THRB: variants seen among roughly 807,000 people sequenced by gnomAD.
THRB encodes thyroid hormone receptor beta.
THRB carries 12 observed loss-of-function variants against 47.8 expected under a neutral mutation model. That is an observed-to-expected ratio of 0.25 (90% CI 0.16 to 0.41). The LOEUF is 0.41. THRB is among the 10% of genes least tolerant of loss of function. The pLI, the probability that THRB is intolerant of heterozygous loss-of-function variation, is 1.00. For synonymous variants in THRB, 218 were observed against 212.2 expected (o/e 1.03, Z -0.24); for missense variants, 348 against 589.2 (o/e 0.59, Z 4.24).
chr3:24,283,318 A>G (rs1401485344), intron 3 of THRB, among the ~76,000 whole-genome samples: 3 of 152,186 alleles, frequency 2.0e-5, no homozygotes, highest in Admixed American at 6.5e-5. Flanking sequence ...TATAAACAGA[A>G]CCAAAGACAA....
chr3:24,161,043 AG>A (rs1190046932), intron 5 of THRB, among the ~76,000 whole-genome samples: 5 of 152,266 alleles, frequency 3.3e-5, no homozygotes, highest in Non-Finnish European at 5.9e-5. Context: ...AGAAAAGGAA[AG>A]AGCTCACGCT....
chr3:24,135,647 C>G (rs568708822), intron 8 of THRB, among the ~76,000 whole-genome samples: 1 of 151,890 alleles, frequency 6.6e-6, no homozygotes, highest in Non-Finnish European at 1.5e-5. Flanking sequence ...TACCTGTGTT[C>G]CTCCTTTGGT....
intron 3 of THRB, among the ~76,000 whole-genome samples, chr3:24,265,145 T>C (rs77880649): frequency 9.9e-4 from 151 of 152,084 alleles, no homozygotes; most frequent in Non-Finnish European, 1.9e-3. Context: ...AGGGACCAAA[T>C]TGGACATGGT....
intron 1 of THRB, among the ~76,000 whole-genome samples, chr3:24,379,193 C>T (rs997591298): frequency 1.3e-5 from 2 of 152,076 alleles, no homozygotes; most frequent in Non-Finnish European, 2.9e-5. Flanking sequence ...CTCATTTCTA[C>T]ATTCCTATAA....
chr3:24,252,438 A>T (rs947807244), intron 3 of THRB, among the ~76,000 whole-genome samples: 1 of 152,124 alleles, frequency 6.6e-6, no homozygotes, highest in Non-Finnish European at 1.5e-5. Context: ...TCTATAACTC[A>T]TACCTTATGC....
At position 24,154,262 on chromosome 3, in the gene THRB, G is replaced by C. The variant is rs2037461099; in HGVS notation, c.284-1772C>G. 2.0e-5 allele frequency among the ~76,000 whole-genome samples: 3 copies of C among 152,266 alleles called. No individual in the cohort carries two copies. In the South Asian group the frequency reaches 6.2e-4, roughly 32 times the overall value. On this transcript the variant is annotated intron_variant, in intron 5 of 10. Coordinates refer to ENST00000646209, the MANE Select transcript of THRB (RefSeq NM_001354712.2). The stretch of plus-strand genomic sequence containing the variant: ...AGTCATTTTTAAAAAGGGAATTCTG[G>C]GAAGGATCTGGGCAGAGAAAAAAGG...
At chr3:24,477,439 A>T (rs1016880189) in intron 1 of THRB, among the ~76,000 whole-genome samples, 2 of 152,156 alleles carry the variant, frequency 1.3e-5, no homozygotes, top group Non-Finnish European at 2.9e-5. Flanking sequence ...AATGCAAATG[A>T]ATCCCCTGGG....
chr3:24,438,488 T>C (rs2071197651), intron 1 of THRB, among the ~76,000 whole-genome samples: 1 of 147,914 alleles, frequency 6.8e-6, no homozygotes, highest in Non-Finnish European at 1.5e-5. Flanking sequence ...GTAATGCCAT[T>C]GTCAGAGAGA....
intron 1 of THRB, among the ~76,000 whole-genome samples, chr3:24,465,957 A>G (rs1052935590): frequency 6.6e-6 from 1 of 152,088 alleles, no homozygotes; most frequent in African/African-American, 2.4e-5. Context: ...CTTCCTTCCT[A>G]GAGATAATCA....
At chr3:24,281,419 G>C (rs144270160) in intron 3 of THRB, among the ~76,000 whole-genome samples, 441 of 151,888 alleles carry the variant, frequency 2.9e-3, no homozygotes, top group African/African-American at 9.9e-3. Flanking sequence ...GCCTGCCCTA[G>C]AAGAGCTCCT....
Position 24,118,770 on chromosome 3 carries a change from GA to G in THRB, c.*4113del, listed in dbSNP as rs1251888627. On this transcript the variant is annotated 3_prime_UTR_variant, in exon 11 of 11. Coordinates refer to ENST00000646209, the MANE Select transcript of THRB (RefSeq NM_001354712.2). ...TCCTGAGGAGGACAGATTTATATTT[GA>G]TTGTCTTGTGCATAGGGTGGGTCAG... The G allele has an allele frequency of 6.6e-6, 1 of 152,582 alleles. No individual in the cohort carries two copies. Among genetic ancestry groups the G allele is most frequent in the Non-Finnish European group, 1.5e-5 (1 of 68,028 alleles). The allele number at this position is 152,582 out of a possible 1,614,324, so 9.5% of individuals were successfully genotyped here. A position where few individuals can be genotyped will look rare whatever the true frequency, so the allele number is the denominator to read the frequency against.
Position 24,190,138 on chromosome 3 carries a change from A to G in THRB, c.219T>C (p.Asp73=), listed in dbSNP as rs780345379. Reference sequence around the variant, plus strand: ...TTGAGACACTCTGGTCGTTCACATCATCATGGTCCAGATGGAATATTGAGC... The same window carrying G: ...TTGAGACACTCTGGTCGTTCACATCGTCATGGTCCAGATGGAATATTGAGC... The part of the protein sequence containing the change: ...WTSSIFHLDH[D]DVNDQSVSSA... Residue 73 remains aspartate (D), a synonymous_variant, in exon 5 of 11, where the codon GAT becomes GAC. Coordinates refer to ENST00000646209, the MANE Select transcript of THRB (RefSeq NM_001354712.2). The G allele has an allele frequency of 1.9e-6, 3 of 1,613,936 alleles. No individual in the cohort carries two copies. The highest frequency in any genetic ancestry group is 2.5e-6 in the Non-Finnish European group (3 of 1,179,958).
chr3:24,421,295 G>A (rs150125960), intron 1 of THRB, among the ~76,000 whole-genome samples: 144 of 151,574 alleles, frequency 9.5e-4, no homozygotes, highest in Non-Finnish European at 1.6e-3. Flanking sequence ...ACAAACCCCC[G>A]TGGCAGAAGT....
intron 5 of THRB, among the ~76,000 whole-genome samples, chr3:24,166,086 T>C (rs543220763): frequency 1.4e-4 from 22 of 152,302 alleles, no homozygotes; most frequent in Middle Eastern, 3.4e-3. Flanking sequence ...CGCTGGTTTT[T>C]AAAACATGCC....
intron 1 of THRB, among the ~76,000 whole-genome samples, chr3:24,341,648 G>A (rs1055665152): frequency 7.9e-5 from 12 of 152,178 alleles, no homozygotes; most frequent in African/African-American, 2.7e-4. Flanking sequence ...CACTGAAGAG[G>A]TTAAGTCTAT....
chr3:24,457,140 G>A (rs891142833), intron 1 of THRB, among the ~76,000 whole-genome samples: 2 of 152,084 alleles, frequency 1.3e-5, no homozygotes, highest in Non-Finnish European at 2.9e-5. Flanking sequence ...ACACAAAAAT[G>A]AAGATTTCTA....
chr3:24,250,956 G>C (rs1264150440), intron 3 of THRB, among the ~76,000 whole-genome samples: 2 of 151,864 alleles, frequency 1.3e-5, no homozygotes, highest in Admixed American at 1.3e-4. Flanking sequence ...CTTTCCAAGA[G>C]TAGAAATAGG....
intron 2 of THRB, among the ~76,000 whole-genome samples, chr3:24,330,974 C>G (rs991197018): frequency 6.6e-6 from 1 of 151,946 alleles, no homozygotes; most frequent in Non-Finnish European, 1.5e-5. Context: ...ATTACACACA[C>G]AAGGGATGTG....
At chr3:24,164,989 G>C (rs1398713979) in intron 5 of THRB, 1 of 698,628 alleles carries the variant, frequency 1.4e-6, no homozygotes, top group Non-Finnish European at 2.6e-6. Flanking sequence ...AAAACAAACA[G>C]TGAAACTTTG....
Sources: allele counts gnomAD v4.1 joint callset (sites outside exome capture counted in the v4.1 genomes callset), GRCh38; gene constraint gnomAD v4.1.1; transcripts MANE v1.5; gene names NCBI Gene and HGNC (gene_info 2026-07-23, HGNC 2026-07-21).